CTNNA2: variants seen among roughly 807,000 people sequenced by gnomAD.
CTNNA2 encodes the protein catenin alpha 2, also known as catenin alpha-2.
A neutral mutation model predicts 101.0 loss-of-function variants in CTNNA2; 42 were observed. The observed-to-expected ratio is 0.42, with a 90% CI of 0.32 to 0.54. The LOEUF is 0.54. CTNNA2 is among the 20% of genes least tolerant of loss of function. CTNNA2 has a pLI of 0.14. For synonymous variants in CTNNA2, 450 were observed against 456.4 expected (o/e 0.99, Z 0.18); for missense variants, 871 against 1,223.1 (o/e 0.71, Z 4.29).
intron 15 of CTNNA2, among the ~76,000 whole-genome samples, chr2:80,595,785 A>T (rs537440128): frequency 6.6e-6 from 1 of 152,260 alleles, no homozygotes; most frequent in African/African-American, 2.4e-5. Flanking sequence ...TTTAGTTTGA[A>T]GTCAGGTAGC....
At chr2:80,180,153 A>G (rs1376363611) in intron 7 of CTNNA2, among the ~76,000 whole-genome samples, 1 of 152,160 alleles carries the variant, frequency 6.6e-6, no homozygotes, top group Non-Finnish European at 1.5e-5. Context: ...CTCCTTGGGC[A>G]AGGATGGGAG....
intron 2 of CTNNA2, among the ~76,000 whole-genome samples, chr2:79,277,595 C>G (rs867532141): frequency 2.0e-5 from 3 of 152,036 alleles, no homozygotes; most frequent in South Asian, 2.1e-4. Context: ...TTAATTTTTA[C>G]AAAAGTTCTA....
chr2:79,630,450 A>T (rs1335796940), intron 1 of CTNNA2, among the ~76,000 whole-genome samples: 1 of 152,202 alleles, frequency 6.6e-6, no homozygotes, highest in Non-Finnish European at 1.5e-5. Flanking sequence ...ACACAGAAAC[A>T]CACATTGACA....
intron 7 of CTNNA2, among the ~76,000 whole-genome samples, chr2:80,000,758 A>G (rs1203294192): frequency 6.6e-6 from 1 of 152,224 alleles, no homozygotes; most frequent in African/African-American, 2.4e-5. Flanking sequence ...TCCTGAGTCA[A>G]GAGGGCTTTT....
chr2:80,277,165 G>T (rs561348347), intron 7 of CTNNA2, among the ~76,000 whole-genome samples: 8 of 152,206 alleles, frequency 5.3e-5, no homozygotes, highest in Non-Finnish European at 1.2e-4. Flanking sequence ...GGGAAACTGT[G>T]TAGGACAAGG....
At chr2:80,554,698 G>A (rs1450714449) in intron 11 of CTNNA2, among the ~76,000 whole-genome samples, 1 of 152,012 alleles carries the variant, frequency 6.6e-6, no homozygotes, top group Non-Finnish European at 1.5e-5. Context: ...TACCCCTTTG[G>A]GAGTTAGAAT....
At chr2:79,559,136 T>G (rs1674618689) in intron 1 of CTNNA2, among the ~76,000 whole-genome samples, 1 of 151,932 alleles carries the variant, frequency 6.6e-6, no homozygotes, top group South Asian at 2.1e-4. Context: ...AGAGTGTGTT[T>G]TAGAGCAGTA....
intron 7 of CTNNA2, among the ~76,000 whole-genome samples, chr2:80,218,987 CA>C (rs1413559932): frequency 3.9e-5 from 6 of 152,078 alleles, no homozygotes; most frequent in Non-Finnish European, 8.8e-5. Flanking sequence ...TAAGGATCCA[CA>C]ACCAGAATAT....
At chr2:79,692,610 A>T (rs1235876651) in intron 2 of CTNNA2, among the ~76,000 whole-genome samples, 2 of 152,052 alleles carry the variant, frequency 1.3e-5, no homozygotes, top group Non-Finnish European at 1.5e-5. Flanking sequence ...AATAGCAAAG[A>T]CTTGGAACCA....
chr2:79,230,306 A>G (rs1400192388), intron 2 of CTNNA2, among the ~76,000 whole-genome samples: 2 of 152,106 alleles, frequency 1.3e-5, no homozygotes, highest in Non-Finnish European at 2.9e-5. Flanking sequence ...CAGCCTAGGG[A>G]CTTAGCATCC....
At chr2:79,300,946 C>T (rs4144316) in intron 2 of CTNNA2, among the ~76,000 whole-genome samples, 2,501 of 152,296 alleles carry the variant, frequency 0.016, 63 homozygotes, top group East Asian at 0.062. Flanking sequence ...CTGTCTCACA[C>T]TTTGACCTGT....
rs571212240 is a variant in CTNNA2, at chr2:79,303,401, T to C, written c.-405-9308T>C. 3.3e-5 allele frequency among the ~76,000 whole-genome samples: 5 copies of C among 152,276 alleles called. No individual in the cohort carries two copies. In the East Asian group the frequency reaches 9.7e-4, roughly 29 times the overall value. The stretch of plus-strand genomic sequence containing the variant: ...TTATTTCTATTTTGGTCTTGAAGTC[T>C]CTACTGGGAGAGGGGCTATCAATTC... On this transcript the variant is annotated intron_variant, in intron 2 of 21. Coordinates refer to the CTNNA2 transcript ENST00000466387.
rs547052061 is a variant in CTNNA2, at chr2:79,516,013, T to A, written c.-6+2806T>A. On this transcript the variant is annotated intron_variant, in intron 1 of 18. Coordinates refer to ENST00000402739, the MANE Select transcript of CTNNA2 (RefSeq NM_001282597.3). The stretch of plus-strand genomic sequence containing the variant: ...TCTTTGACCTCAGCTTACAGTCTAG[T>A]TGAGGAGAACAGGCATTTGCATGAG... Among the ~76,000 whole-genome samples, 8 of 152,276 alleles carry A rather than the reference T, an allele frequency of 5.3e-5. No individual in the cohort carries two copies. The East Asian group carries it at 1.5e-3, about 29-fold the overall frequency.
chr2:80,185,504 ACT>A lies in CTNNA2; in HGVS notation c.1057-207702_1057-207701del, dbSNP rs1328464927. Among the ~76,000 whole-genome samples the A allele has an allele frequency of 2.6e-5, 4 of 152,156 alleles. No homozygotes were observed. The South Asian group carries it at 8.3e-4, about 32-fold the overall frequency. ...GGGATCACTGGGAGACATTTCAGAA[ACT>A]CTCTGTGGCAGGTAGTAATGTTATG... is the stretch of plus-strand genomic sequence containing the variant. On this transcript the variant is annotated intron_variant, in intron 7 of 18. Coordinates refer to ENST00000402739, the MANE Select transcript of CTNNA2 (RefSeq NM_001282597.3).
At position 79,639,336 on chromosome 2, in the gene CTNNA2, G is replaced by C. The variant is rs189753333; in HGVS notation, c.-5-12216G>C. Among the ~76,000 whole-genome samples, 18 of 152,240 alleles carry C rather than the reference G, an allele frequency of 1.2e-4. No individual in the cohort carries two copies. In the East Asian group the frequency reaches 3.5e-3, roughly 29 times the overall value. On this transcript the variant is annotated intron_variant, in intron 1 of 18. Transcript: ENST00000402739. ...CACACAATGGGTAGTTAGTATATAG[G>C]CATTGAATGAATGATGGATGGATAA...
chr2:79,440,994 C>T (rs905614157), intron 4 of CTNNA2, among the ~76,000 whole-genome samples: 14 of 152,136 alleles, frequency 9.2e-5, no homozygotes, highest in African/African-American at 3.4e-4. Context: ...ACAGTTTGTA[C>T]AAGTTGTGGC....
chr2:79,220,801 T>C (rs1160254594), intron 2 of CTNNA2, among the ~76,000 whole-genome samples: 2 of 152,318 alleles, frequency 1.3e-5, no homozygotes, highest in Non-Finnish European at 2.9e-5. Flanking sequence ...TTTCACCAAA[T>C]AATTAAAGCT....
Position 79,858,128 on chromosome 2 carries a change from C to T in CTNNA2, c.414C>T (p.Leu138=), listed in dbSNP as rs761965939. 7 of 1,613,930 alleles carry T rather than the reference C, an allele frequency of 4.3e-6. No individual in the cohort carries two copies. The Middle Eastern group carries it at 4.9e-4, about 114-fold the overall frequency. ...RALLSAVTRL[L]ILADMADVMR... is the part of the protein sequence containing the mutation. ...TGCTCTCCGCGGTGACACGCTTACT[C>T]ATCCTGGCGGACATGGCAGATGTCA... The change falls in exon 4 of 19, where the codon CTC becomes CTT. Residue 138 remains leucine (L), a synonymous_variant. Coordinates refer to ENST00000402739, the MANE Select transcript of CTNNA2 (RefSeq NM_001282597.3).
At chr2:79,747,792 TTTTC>T (rs1418426788) in intron 3 of CTNNA2, among the ~76,000 whole-genome samples, 1 of 152,194 alleles carries the variant, frequency 6.6e-6, no homozygotes, top group Non-Finnish European at 1.5e-5. Flanking sequence ...ATATTTCAAG[TTTTC>T]TTTTTATATT....
Sources: gnomAD v4.1 joint callset for allele counts (sites outside exome capture counted in the v4.1 genomes callset) on GRCh38, gnomAD v4.1.1 for gene constraint, MANE v1.5 for transcripts, NCBI Gene and HGNC (gene_info 2026-07-23, HGNC 2026-07-21) for gene names.